The following PCDHB7 variants were observed in gnomAD, a reference collection of about 807,000 sequenced individuals.
PCDHB7 encodes protocadherin beta-7.
For synonymous variants in PCDHB7, 542 were observed against 463.1 expected, an observed-to-expected ratio of 1.17 and a Z score of -2.19; for missense variants, 1,148 against 1,011.6, an observed-to-expected ratio of 1.13 and a Z score of -1.83.
Position 141,175,310 on chromosome 5 carries a change from C to A in PCDHB7, c.*93C>A. 8.1e-7 allele frequency: 1 copy of A among 1,239,036 alleles called. No individual in the cohort carries two copies. The highest frequency in any genetic ancestry group is 1.1e-6 in the Non-Finnish European group (1 of 897,868). 76.8% of individuals were successfully genotyped at this position (1,239,036 alleles called of 1,614,324 possible). A position where few individuals can be genotyped will look rare whatever the true frequency, so the allele number is the denominator to read the frequency against. ...TTAAGGGAGTGTCTTTACATCATTT[C>A]AAATATGTACTCTTGAAGTCAAGCA... is the stretch of plus-strand genomic sequence containing the variant. On this transcript the variant is annotated 3_prime_UTR_variant, in exon 1 of 1. Coordinates refer to ENST00000231137, the MANE Select transcript of PCDHB7 (RefSeq NM_018940.4).
At position 141,173,877 on chromosome 5, in the gene PCDHB7, C is replaced by T; in HGVS notation, c.1042C>T (p.Leu348Phe). Residue 348 changes from leucine to phenylalanine, a missense_variant, in exon 1 of 1, where the codon CTC becomes TTC. Physicochemically the swap from Leu to Phe is conservative, Grantham distance 22. Transcript: ENST00000231137. ...TATAAACGATAATCGACCCGAGCTG[C>T]TCCTGTCTTCACTTACTAGCCCAAT... ...TDINDNRPEL[L>F]LSSLTSPIAE... 1 of 1,613,650 alleles carries T rather than the reference C, an allele frequency of 6.2e-7. No individual in the cohort carries two copies. Among genetic ancestry groups the T allele is most frequent in the Non-Finnish European group, 8.5e-7 (1 of 1,179,708 alleles).
rs144643443 is a variant in PCDHB7 at position 141,174,224 on chromosome 5, C to T, written c.1389C>T (p.Asn463=). Residue 463 remains asparagine, a synonymous_variant, in exon 1 of 1, where the codon AAC becomes AAT. Transcript: ENST00000231137. ...CCTACACCCTGTTTGTCCGTGAGAA[C>T]AACAGCCCCGCCCTGCCCATCGGCA... ...QTSYTLFVRE[N]NSPALPIGSV... The T allele has an allele frequency of 5.0e-6, 8 of 1,613,336 alleles. No individual in the cohort carries two copies. Among genetic ancestry groups the T allele is most frequent in the Non-Finnish European group, 6.8e-6 (8 of 1,180,046 alleles).
Position 141,174,199 on chromosome 5 carries a change from C to T in PCDHB7, c.1364C>T (p.Ser455Phe), listed in dbSNP as rs1753301576. ...NDNAPAFTQT[S>F]YTLFVRENNS... ...AACGCTCCCGCCTTCACCCAAACCT[C>T]CTACACCCTGTTTGTCCGTGAGAAC... The change falls in exon 1 of 1, where the codon TCC (serine) becomes TTC (phenylalanine). Residue 455 changes from serine to phenylalanine, a missense_variant. Physicochemically the swap from Ser to Phe is radical, Grantham distance 155. Transcript: ENST00000231137. 2.5e-6 allele frequency: 4 copies of T among 1,613,478 alleles called. No homozygotes were observed. The East Asian group carries it at 6.7e-5, about 27-fold the overall frequency.
rs782219371 is a variant in PCDHB7, at chr5:141,174,026, C to A, written c.1191C>A (p.Val397=). The A allele has an allele frequency of 6.2e-7, 1 of 1,614,142 alleles. No individual in the cohort carries two copies. Among genetic ancestry groups the A allele is most frequent in the Admixed American group, 1.7e-5 (1 of 60,030 alleles). The stretch of plus-strand genomic sequence containing the variant: ...TCCCCTTCATCCTGAAGCCATCTGT[C>A]GAAAACTTCTATACTCTGGTAACAG... The part of the protein sequence containing the change: ...DDVPFILKPS[V]ENFYTLVTEK... Residue 397 remains valine (V), a synonymous_variant, in exon 1 of 1, where the codon GTC becomes GTA. Transcript: ENST00000231137.
rs1753337454 is a variant in PCDHB7, at chr5:141,174,868, C to T, written c.2033C>T (p.Pro678Leu). Reference protein sequence around the residue: ...QPYLRLPEAAPDQANSLTVYL... With the variant: ...QPYLRLPEAALDQANSLTVYL... The stretch of plus-strand genomic sequence containing the variant: ...TACCTGCGGCTCCCGGAGGCGGCCC[C>T]GGACCAGGCCAACTCGCTCACCGTC... Residue 678 changes from proline to leucine, a missense_variant, in exon 1 of 1, where the codon CCG (proline) becomes CTG (leucine). Coordinates refer to ENST00000231137, the MANE Select transcript of PCDHB7 (RefSeq NM_018940.4). 1 of 1,610,896 alleles carries T rather than the reference C, an allele frequency of 6.2e-7. No individual in the cohort carries two copies. The highest frequency in any genetic ancestry group is 1.7e-5 in the Admixed American group (1 of 59,924).
Sources: allele counts gnomAD v4.1 joint callset, GRCh38; gene constraint gnomAD v4.1.1; transcripts MANE v1.5; gene names NCBI Gene and HGNC (gene_info 2026-07-23, HGNC 2026-07-21).